The following CDH12 variants were observed in gnomAD, a reference collection of about 807,000 sequenced individuals.
CDH12 encodes cadherin 12.
A neutral mutation model predicts 74.1 loss-of-function variants in CDH12; 41 were observed. The observed-to-expected ratio is 0.55, with a 90% confidence interval of 0.43 to 0.72. The LOEUF is 0.72. CDH12 is among the 30% of genes least tolerant of loss of function. The pLI, the probability that CDH12 is intolerant of heterozygous loss-of-function variation, is 0.00. For missense variants in CDH12, 945 were observed against 977.2 expected (o/e 0.97, Z 0.44); for synonymous variants, 399 against 355.0 (o/e 1.12, Z -1.39).
intron 1 of CDH12, among the ~76,000 whole-genome samples, chr5:22,795,498 T>C (rs1241564742): frequency 1.3e-5 from 2 of 151,778 alleles, no homozygotes; most frequent in Non-Finnish European, 2.9e-5. Flanking sequence ...TCCTAATATA[T>C]CTCATGTATG....
chr5:22,040,291 G>A (rs1176391743), intron 5 of CDH12, among the ~76,000 whole-genome samples: 1 of 152,022 alleles, frequency 6.6e-6, no homozygotes, highest in African/African-American at 2.4e-5. Flanking sequence ...AAAGAGTGAA[G>A]ACAGCCTACA....
chr5:22,664,087 T>C (rs1164509307), intron 1 of CDH12, among the ~76,000 whole-genome samples: 1 of 152,182 alleles, frequency 6.6e-6, no homozygotes, highest in African/African-American at 2.4e-5. Flanking sequence ...ATTCAAATAT[T>C]TAATGGATTA....
At chr5:22,725,043 A>G (rs1744091735) in intron 1 of CDH12, among the ~76,000 whole-genome samples, 1 of 151,772 alleles carries the variant, frequency 6.6e-6, no homozygotes, top group African/African-American at 2.4e-5. Flanking sequence ...GGTGATTCTT[A>G]TAGACTTTAT....
rs183559296 is a variant in CDH12, at chr5:22,228,570, T to C, written c.-332-15927A>G. Among the ~76,000 whole-genome samples the C allele has an allele frequency of 4.6e-5, 7 of 152,272 alleles. 1 individual carries two copies. Among genetic ancestry groups the C allele is most frequent in the East Asian group, 3.9e-4 (2 of 5,176 alleles). On this transcript the variant is annotated intron_variant, in intron 3 of 14. Coordinates refer to ENST00000382254, the MANE Select transcript of CDH12 (RefSeq NM_004061.5). The stretch of plus-strand genomic sequence containing the variant: ...ACTCATGTTTTATAAAAGAATACTA[T>C]AAATCATTTACTTTTCTGACATCTG...
At chr5:22,252,117 T>C (rs1357105767) in intron 3 of CDH12, among the ~76,000 whole-genome samples, 7 of 152,078 alleles carry the variant, frequency 4.6e-5, no homozygotes, top group African/African-American at 1.4e-4. Flanking sequence ...ATTTTCTTGG[T>C]TCTCAATTGC....
intron 1 of CDH12, among the ~76,000 whole-genome samples, chr5:22,796,220 G>T (rs1267507610): frequency 6.6e-6 from 1 of 152,084 alleles, no homozygotes; most frequent in East Asian, 1.9e-4. Flanking sequence ...TTATGAGATT[G>T]CTGGACCATA....
At chr5:22,150,183 G>T (rs1226414027) in intron 4 of CDH12, among the ~76,000 whole-genome samples, 2 of 151,618 alleles carry the variant, frequency 1.3e-5, no homozygotes, top group Non-Finnish European at 2.9e-5. Flanking sequence ...GAAAAGTTTT[G>T]GTTTTTCCCT....
At chr5:22,373,755 C>A (rs1201114961) in intron 3 of CDH12, among the ~76,000 whole-genome samples, 1 of 152,170 alleles carries the variant, frequency 6.6e-6, no homozygotes, top group Non-Finnish European at 1.5e-5. Flanking sequence ...AGTGCCCTAC[C>A]AACCAACAAC....
chr5:21,928,640 A>T (rs1195545579), intron 6 of CDH12, among the ~76,000 whole-genome samples: 1 of 152,172 alleles, frequency 6.6e-6, no homozygotes, highest in East Asian at 1.9e-4. Flanking sequence ...CGTGTCTTCT[A>T]AAAATTCTAT....
At chr5:22,403,496 T>C (rs1220573285) in intron 3 of CDH12, among the ~76,000 whole-genome samples, 1 of 152,216 alleles carries the variant, frequency 6.6e-6, no homozygotes, top group Non-Finnish European at 1.5e-5. Context: ...TGGTCATTCC[T>C]ATCAATGTTC....
intron 1 of CDH12, among the ~76,000 whole-genome samples, chr5:22,536,173 G>A (rs1411967027): frequency 1.3e-5 from 2 of 152,154 alleles, no homozygotes; most frequent in African/African-American, 4.8e-5. Flanking sequence ...TTGTTCTCAA[G>A]TAGCAAGTGT....
intron 5 of CDH12, among the ~76,000 whole-genome samples, chr5:21,985,730 C>G (rs1453437949): frequency 6.6e-6 from 1 of 152,006 alleles, no homozygotes; most frequent in East Asian, 1.9e-4. Flanking sequence ...TTAGTGTTTC[C>G]TTTTTTGAAG....
chr5:22,393,414 T>C (rs904747449), intron 3 of CDH12, among the ~76,000 whole-genome samples: 5 of 152,118 alleles, frequency 3.3e-5, no homozygotes, highest in African/African-American at 4.8e-5. Context: ...GCCTCTAACA[T>C]TGTGAGAGAA....
chr5:22,255,990 G>C (rs1436222389), intron 3 of CDH12, among the ~76,000 whole-genome samples: 1 of 151,852 alleles, frequency 6.6e-6, no homozygotes, highest in East Asian at 1.9e-4. Context: ...ACTGTGTAAC[G>C]ACCTCTAAAT....
intron 3 of CDH12, among the ~76,000 whole-genome samples, chr5:22,330,270 T>A (rs1367316669): frequency 6.6e-6 from 1 of 151,984 alleles, no homozygotes; most frequent in African/African-American, 2.4e-5. Context: ...GGGACCCCAC[T>A]ACCTTGAAAG....
At chr5:22,849,368 A>AT (rs1737447994) in intron 1 of CDH12, among the ~76,000 whole-genome samples, 1 of 151,822 alleles carries the variant, frequency 6.6e-6, no homozygotes, top group African/African-American at 2.4e-5. Context: ...TACATGGGGG[A>AT]TTTTTTTTGT....
At chr5:21,809,800 A>G (rs1747647566) in intron 9 of CDH12, among the ~76,000 whole-genome samples, 1 of 152,098 alleles carries the variant, frequency 6.6e-6, no homozygotes, top group South Asian at 2.1e-4. Context: ...AAGTGCCTCC[A>G]GGGGCTTAAA....
chr5:22,763,542 A>G (rs986193716), intron 1 of CDH12, among the ~76,000 whole-genome samples: 3 of 151,968 alleles, frequency 2.0e-5, no homozygotes, highest in Non-Finnish European at 4.4e-5. Flanking sequence ...TTTGCACATG[A>G]GGTTCACGAA....
At chr5:22,169,417 T>C (rs1748888267) in intron 4 of CDH12, among the ~76,000 whole-genome samples, 1 of 152,006 alleles carries the variant, frequency 6.6e-6, no homozygotes, top group African/African-American at 2.4e-5. Flanking sequence ...AGTGACAGCA[T>C]GCATTTGATT....
Sources: allele counts gnomAD v4.1 joint callset (sites outside exome capture counted in the v4.1 genomes callset), GRCh38; gene constraint gnomAD v4.1.1; transcripts MANE v1.5; gene names NCBI Gene and HGNC (gene_info 2026-07-23, HGNC 2026-07-21).